Variants in SHISA6 observed in about 807,000 individuals in gnomAD.
The protein encoded by SHISA6 is protein shisa-6.
A neutral mutation model predicts 47.9 loss-of-function variants in SHISA6; 22 were observed. The ratio of observed to expected loss-of-function variants is 0.46; its 90% CI spans 0.33 to 0.66. SHISA6 has a LOEUF of 0.66. Among genes scored for constraint, SHISA6 ranks in the 30% least tolerant of loss-of-function variants. The pLI is 0.02. For synonymous variants in SHISA6, 388 were observed against 337.8 expected (o/e 1.15, Z -1.63); for missense variants, 680 against 764.6 (o/e 0.89, Z 1.30).
At chr17:11,469,687 C>T (rs892261787) in intron 3 of SHISA6, among the ~76,000 whole-genome samples, 2 of 152,092 alleles carry the variant, frequency 1.3e-5, no homozygotes, top group African/African-American at 4.8e-5. Context: ...ACTGGGCTTT[C>T]CCCCCTTCTC....
intron 3 of SHISA6, among the ~76,000 whole-genome samples, chr17:11,383,651 C>T (rs560740012): frequency 2.0e-5 from 3 of 152,278 alleles, no homozygotes; most frequent in African/African-American, 7.2e-5. Context: ...TCAGGACTTT[C>T]TAACTGAATG....
At chr17:11,552,598 T>G (rs997264207) in intron 4 of SHISA6, among the ~76,000 whole-genome samples, 1 of 152,244 alleles carries the variant, frequency 6.6e-6, no homozygotes, top group Admixed American at 6.5e-5. Context: ...TTATCAGTCA[T>G]TTTTGTCTCT....
At chr17:11,335,378 A>G (rs539018892) in intron 2 of SHISA6, among the ~76,000 whole-genome samples, 1 of 152,310 alleles carries the variant, frequency 6.6e-6, no homozygotes, top group South Asian at 2.1e-4. Flanking sequence ...CTCCTTCTCC[A>G]GGCTTACACG....
intron 3 of SHISA6, among the ~76,000 whole-genome samples, chr17:11,453,436 T>A (rs1915454913): frequency 6.6e-6 from 1 of 152,180 alleles, no homozygotes; most frequent in African/African-American, 2.4e-5. Context: ...CAGTGCTTAC[T>A]TACTGCCTAA....
chr17:11,283,975 T>A (rs1302613787), intron 2 of SHISA6, among the ~76,000 whole-genome samples: 4 of 152,192 alleles, frequency 2.6e-5, no homozygotes, highest in Non-Finnish European at 4.4e-5. Flanking sequence ...TTTTTAGTTC[T>A]CCTAAGTTTT....
chr17:11,301,717 C>T (rs1194914981), intron 2 of SHISA6, among the ~76,000 whole-genome samples: 1 of 152,188 alleles, frequency 6.6e-6, no homozygotes, highest in Admixed American at 6.5e-5. Flanking sequence ...ATCCCCAAGT[C>T]AATGTCATGC....
chr17:11,310,849 C>A (rs1910303977), intron 2 of SHISA6, among the ~76,000 whole-genome samples: 1 of 152,034 alleles, frequency 6.6e-6, no homozygotes, highest in African/African-American at 2.4e-5. Flanking sequence ...TGGCTCACGC[C>A]TGTAATCCCA....
At chr17:11,477,691 T>TA (rs1170963739) in intron 3 of SHISA6, among the ~76,000 whole-genome samples, 2 of 148,338 alleles carry the variant, frequency 1.3e-5, no homozygotes, top group African/African-American at 5.0e-5. Flanking sequence ...GTTCTTGCGA[T>TA]AGTTTACTGA....
chr17:11,492,899 C>G (rs1471404165), intron 3 of SHISA6, among the ~76,000 whole-genome samples: 1 of 152,202 alleles, frequency 6.6e-6, no homozygotes, highest in Non-Finnish European at 1.5e-5. Flanking sequence ...GCTTCTGCTC[C>G]TCTCTTCCCC....
intron 2 of SHISA6, among the ~76,000 whole-genome samples, chr17:11,285,017 C>T (rs533701963): frequency 2.6e-5 from 4 of 152,320 alleles, no homozygotes; most frequent in African/African-American, 4.8e-5. Context: ...ATGCTAAACA[C>T]GGGCCATCTT....
chr17:11,337,614 G>T (rs1413111751), intron 2 of SHISA6, among the ~76,000 whole-genome samples: 1 of 152,204 alleles, frequency 6.6e-6, no homozygotes, highest in Admixed American at 6.5e-5. Flanking sequence ...CCTTTTTCCT[G>T]TCTGACAGAC....
chr17:11,402,296 G>T (rs1913802696), intron 3 of SHISA6, among the ~76,000 whole-genome samples: 1 of 152,206 alleles, frequency 6.6e-6, no homozygotes, highest in Non-Finnish European at 1.5e-5. Flanking sequence ...GAGGCCCAGG[G>T]ATTGTTTAAA....
chr17:11,244,614 C>T (rs1187487405), intron 1 of SHISA6, among the ~76,000 whole-genome samples: 3 of 151,898 alleles, frequency 2.0e-5, no homozygotes, highest in Non-Finnish European at 4.4e-5. Context: ...GTTGGGCAAT[C>T]AAGGTAGGGA....
Position 11,241,883 on chromosome 17 carries a change from C to T in SHISA6, c.461C>T (p.Pro154Leu). The T allele has an allele frequency of 6.4e-7, 1 of 1,551,194 alleles. No individual in the cohort carries two copies. Among genetic ancestry groups the T allele is most frequent in the Non-Finnish European group, 8.7e-7 (1 of 1,147,020 alleles). Reference sequence around the variant, plus strand: ...CAGAGCCCGGTGTGGGTACAGACGCCCAGCACCAAGGTGGTGTCGCCGGGG... The same window carrying T: ...CAGAGCCCGGTGTGGGTACAGACGCTCAGCACCAAGGTGGTGTCGCCGGGG... ...NYQSPVWVQT[P>L]STKVVSPGPE... is the part of the protein sequence containing the mutation. Residue 154 changes from proline (P) to leucine (L), a missense_variant, in exon 1 of 6, where the codon CCC becomes CTC. This residue lies in a region of SHISA6 where 559 missense variants were observed against 674.1 expected (regional missense o/e 0.83). Transcript: ENST00000441885. This position sits in a 1 kb window ranked among gnomAD's most constrained non-coding sequence, Gnocchi z 5.5.
intron 2 of SHISA6, among the ~76,000 whole-genome samples, chr17:11,317,657 CCTGT>C (rs1459314768): frequency 3.3e-5 from 5 of 151,352 alleles, no homozygotes; most frequent in African/African-American, 1.2e-4. Context: ...TACTTGGGTG[CCTGT>C]CTGCCTGTTT....
At chr17:11,363,169 C>T (rs952089863) in intron 2 of SHISA6, among the ~76,000 whole-genome samples, 6 of 151,812 alleles carry the variant, frequency 4.0e-5, no homozygotes, top group Admixed American at 1.3e-4. Flanking sequence ...ATCCTTTCTC[C>T]ATTCCTTCCT....
intron 3 of SHISA6, among the ~76,000 whole-genome samples, chr17:11,486,380 AC>A (rs764083701): frequency 1.1e-4 from 16 of 151,380 alleles, no homozygotes; most frequent in Non-Finnish European, 2.1e-4. Context: ...GGGGCCAGGG[AC>A]CCGGGTCTCT....
chr17:11,243,433 C>T (rs960744487), intron 1 of SHISA6, among the ~76,000 whole-genome samples: 1 of 151,932 alleles, frequency 6.6e-6, no homozygotes, highest in Non-Finnish European at 1.5e-5. Flanking sequence ...CAAAAGGAGA[C>T]CCTTTTATAA....
In SHISA6 at chr17:11,301,215, G is replaced by A. The variant is rs530066527; in HGVS notation, c.799+37689G>A. On this transcript the variant is annotated intron_variant, in intron 2 of 5. Coordinates refer to ENST00000441885, the MANE Select transcript of SHISA6 (RefSeq NM_207386.4). ...CTAACAGCCTATGATGTAGTGGTGG[G>A]TACTGGGGTGGGGAGCATTGGACCC... Among the ~76,000 whole-genome samples, 6 of 152,032 alleles carry A rather than the reference G, an allele frequency of 3.9e-5. No homozygotes were observed. In the South Asian group the frequency reaches 1.2e-3, roughly 32 times the overall value.
Sources: gnomAD v4.1 joint callset for allele counts (sites outside exome capture counted in the v4.1 genomes callset) on GRCh38, gnomAD v4.1.1 for gene constraint, gnomAD v4.1.1 regional missense constraint, Gnocchi (gnomAD v3.1) non-coding constraint, MANE v1.5 for transcripts, NCBI Gene and HGNC (gene_info 2026-07-23, HGNC 2026-07-21) for gene names.